PCDHA7: variants seen among roughly 807,000 people sequenced by gnomAD.
The protein encoded by PCDHA7 is protocadherin alpha-7.
Under a neutral mutation model 57.2 loss-of-function variants are expected in PCDHA7, and 37 were observed. That is an observed-to-expected ratio of 0.65 (90% CI 0.50 to 0.85). The LOEUF (loss-of-function observed/expected upper bound fraction) is 0.85, where lower values mean the gene tolerates loss of function less well. Among genes scored for constraint, PCDHA7 ranks in the 40% least tolerant of loss-of-function variants. PCDHA7 has a pLI of 0.00. For synonymous variants in PCDHA7, 553 were observed against 558.8 expected (o/e 0.99, Z 0.15); for missense variants, 1,188 against 1,241.8 (o/e 0.96, Z 0.65).
chr5:140,963,907 A>C (rs1303006789), intron 1 of PCDHA7, among the ~76,000 whole-genome samples: 1 of 152,240 alleles, frequency 6.6e-6, no homozygotes, highest in Non-Finnish European at 1.5e-5. Flanking sequence ...AGTAAAGTGA[A>C]GCTTAGGCTA....
intron 1 of PCDHA7, among the ~76,000 whole-genome samples, chr5:140,924,232 G>T (rs1554201826): frequency 6.6e-6 from 1 of 152,180 alleles, no homozygotes; most frequent in African/African-American, 2.4e-5. Flanking sequence ...ATTTTTATGG[G>T]CTGTTTTGCA....
intron 1 of PCDHA7, chr5:140,858,285 G>A (rs782182754): frequency 1.3e-6 from 2 of 1,597,520 alleles, no homozygotes; most frequent in Non-Finnish European, 8.6e-7. Flanking sequence ...GTGGGGAGCT[G>A]GTCTTACTCG....
chr5:140,942,197 T>C (rs2093245078), intron 1 of PCDHA7, among the ~76,000 whole-genome samples: 1 of 152,170 alleles, frequency 6.6e-6, no homozygotes, highest in African/African-American at 2.4e-5. Context: ...TAAAATACAT[T>C]TTTGAGCATA....
intron 1 of PCDHA7, chr5:140,927,491 T>G (rs2084266726): frequency 1.2e-6 from 2 of 1,614,118 alleles, no homozygotes; most frequent in Non-Finnish European, 1.7e-6. Flanking sequence ...GCCACCCACC[T>G]GCTGGTGCTT....
At position 140,850,000 on chromosome 5, in the gene PCDHA7, G is replaced by A. The variant is rs2150462633; in HGVS notation, c.2355+13262G>A. 7 of 1,597,068 alleles carry A rather than the reference G, an allele frequency of 4.4e-6. No individual in the cohort carries two copies. In the Admixed American group the frequency reaches 8.4e-5, roughly 19 times the overall value. ...CTGGTGGAGCGGCGGTTGGGCGAGCGCTCGCTGTCGAGCTACGTGTCAGTG... is the reference window on the plus strand; with the variant it reads ...CTGGTGGAGCGGCGGTTGGGCGAGCACTCGCTGTCGAGCTACGTGTCAGTG... On this transcript the variant is annotated intron_variant, in intron 1 of 3. Transcript: ENST00000525929.
intron 1 of PCDHA7, chr5:140,870,137 A>C (rs1554163840): frequency 6.2e-7 from 1 of 1,613,940 alleles, no homozygotes; most frequent in Non-Finnish European, 8.5e-7. Flanking sequence ...ACCAACGATA[A>C]CTCTCCTGAA....
At chr5:140,991,535 A>G (rs1323346658) in intron 3 of PCDHA7, among the ~76,000 whole-genome samples, 4 of 152,244 alleles carry the variant, frequency 2.6e-5, no homozygotes, top group South Asian at 4.1e-4. Context: ...TTGCCACTAT[A>G]TAACAAGGAT....
chr5:140,857,032 T>C, intron 1 of PCDHA7: 2 of 1,595,838 alleles, frequency 1.3e-6, no homozygotes, highest in Non-Finnish European at 1.7e-6. Context: ...GAAACCCACC[T>C]ATGGTTGGTC....
rs2150258608 is a variant in PCDHA7, at chr5:140,836,356, C to T, written c.1973C>T (p.Ser658Leu). 5 of 1,613,550 alleles carry T rather than the reference C, an allele frequency of 3.1e-6. No individual in the cohort carries two copies. Among genetic ancestry groups the T allele is most frequent in the South Asian group, 2.2e-5 (2 of 91,076 alleles). The change falls in exon 1 of 4, where the codon TCG becomes TTG. Residue 658 changes from serine (S) to leucine (L), a missense_variant. Physicochemically the swap from Ser to Leu is moderately radical, Grantham distance 145. Coordinates refer to ENST00000525929, the MANE Select transcript of PCDHA7 (RefSeq NM_018910.3). Reference protein sequence around the residue: ...LVLVKDHGEPSLTATATVLVS... With the variant: ...LVLVKDHGEPLLTATATVLVS... ...CTTGTGAAGGACCACGGGGAGCCCT[C>T]GCTGACAGCCACAGCCACCGTGCTG...
intron 1 of PCDHA7, chr5:140,870,762 C>T (rs1581982773): frequency 1.2e-6 from 2 of 1,613,514 alleles, no homozygotes; most frequent in East Asian, 2.2e-5. Context: ...TGCAGGTGTT[C>T]GTGCTGGACG....
chr5:140,994,358 G>A (rs2097616894), intron 3 of PCDHA7, among the ~76,000 whole-genome samples: 1 of 152,162 alleles, frequency 6.6e-6, no homozygotes, highest in Admixed American at 6.5e-5. Flanking sequence ...GACCTCAGAA[G>A]ATGGAATTGG....
chr5:140,980,562 G>A (rs944389305), intron 2 of PCDHA7, among the ~76,000 whole-genome samples: 2 of 152,048 alleles, frequency 1.3e-5, no homozygotes, highest in Non-Finnish European at 2.9e-5. Context: ...CCCGGGAGGC[G>A]GAAGTTGCAG....
intron 1 of PCDHA7, chr5:140,868,023 T>C (rs2050243779): frequency 6.6e-6 from 1 of 152,096 alleles, no homozygotes; most frequent in Non-Finnish European, 1.5e-5. Flanking sequence ...AGGAAACCAA[T>C]GTTGGTGACT....
intron 1 of PCDHA7, among the ~76,000 whole-genome samples, chr5:140,838,114 GT>G (rs1730609309): frequency 6.7e-6 from 1 of 149,566 alleles, no homozygotes; most frequent in Non-Finnish European, 1.5e-5. Context: ...GTGTGTGTGT[GT>G]GTGTGTGTGT....
In PCDHA7 at chr5:140,835,635, G is replaced by C; in HGVS notation, c.1252G>C (p.Val418Leu). 6.2e-7 allele frequency: 1 copy of C among 1,613,914 alleles called. No individual in the cohort carries two copies. The highest frequency in any genetic ancestry group is 1.1e-5 in the South Asian group (1 of 91,074). ...GGACAGCGCTCTGGACCGCGAGAGT[G>C]TGTCCGCCTATGAGCTGGTGGTTAC... The part of the protein sequence containing the change: ...VLDSALDRES[V>L]SAYELVVTAR... Residue 418 changes from valine to leucine, a missense_variant, in exon 1 of 4, where the codon GTG (valine) becomes CTG (leucine). Val to Leu is a conservative substitution (Grantham distance 32, BLOSUM62 1). Transcript: ENST00000525929.
At chr5:140,960,436 G>C (rs2095548378) in intron 1 of PCDHA7, among the ~76,000 whole-genome samples, 1 of 152,180 alleles carries the variant, frequency 6.6e-6, no homozygotes. Context: ...TGATACTCTA[G>C]ATATATGTAT....
In PCDHA7 at chr5:140,846,477, T is replaced by C. The variant is rs1780501842; in HGVS notation, c.2355+9739T>C. ...GCAACCTCTGCCTCCCGGGTTCAAA[T>C]GATTCTCCTTCCTCAGCCTCCCAAG... is the stretch of plus-strand genomic sequence containing the variant. On this transcript the variant is annotated intron_variant, in intron 1 of 3. Coordinates refer to ENST00000525929, the MANE Select transcript of PCDHA7 (RefSeq NM_018910.3). Among the ~76,000 whole-genome samples the C allele has an allele frequency of 1.4e-5, 2 of 143,268 alleles. 1 individual carries two copies. Among genetic ancestry groups the C allele is most frequent in the Non-Finnish European group, 3.1e-5 (2 of 65,332 alleles). 94.0% of individuals were successfully genotyped at this position (143,268 alleles called of 152,430 possible).
chr5:140,963,811 G>A (rs2153736544), intron 1 of PCDHA7, among the ~76,000 whole-genome samples: 1 of 152,288 alleles, frequency 6.6e-6, no homozygotes, highest in Middle Eastern at 3.4e-3. Context: ...TAGTCACTGT[G>A]CAAATTGCTT....
intron 2 of PCDHA7, chr5:140,982,263 C>A: frequency 1.2e-6 from 1 of 858,968 alleles, no homozygotes; most frequent in Non-Finnish European, 1.7e-6. Flanking sequence ...ATGTGTGTTC[C>A]TGGAATAGTA....
Sources: gnomAD v4.1 joint callset for allele counts (sites outside exome capture counted in the v4.1 genomes callset) on GRCh38, gnomAD v4.1.1 for gene constraint, MANE v1.5 for transcripts, NCBI Gene and HGNC (gene_info 2026-07-23, HGNC 2026-07-21) for gene names.